Variants in KIF24 observed in about 807,000 individuals in gnomAD.
KIF24 encodes kinesin-like protein KIF24.
Under a neutral mutation model 118.9 loss-of-function variants are expected in KIF24, and 81 were observed. The ratio of observed to expected loss-of-function variants is 0.68; its 90% CI spans 0.57 to 0.82. KIF24 has a LOEUF of 0.82. Among genes scored for constraint, KIF24 ranks in the 40% least tolerant of loss-of-function variants. The pLI is 0.00. For missense variants in KIF24, 1,560 were observed against 1,661.6 expected, an observed-to-expected ratio of 0.94 and a Z score of 1.06; for synonymous variants, 599 against 610.0, an observed-to-expected ratio of 0.98 and a Z score of 0.27.
intron 1 of KIF24, among the ~76,000 whole-genome samples, chr9:34,321,281 T>C (rs1333252346): frequency 6.6e-6 from 1 of 152,064 alleles, no homozygotes; most frequent in Non-Finnish European, 1.5e-5. Flanking sequence ...CAGTAGTAAC[T>C]AGTATAGCAG....
intron 1 of KIF24, among the ~76,000 whole-genome samples, chr9:34,311,988 T>C (rs1420095715): frequency 6.6e-6 from 1 of 152,122 alleles, no homozygotes; most frequent in African/African-American, 2.4e-5. Flanking sequence ...GCTGCACAAC[T>C]GTTTCCCATG....
Position 34,256,826 on chromosome 9 carries a change from T to C in KIF24, c.2781A>G (p.Ser927=), listed in dbSNP as rs372761916. ...VDWSRENSTS[S]GPSPRDSLAE... ...CCAGGCTGTCTCTGGGAGAAGGCCC[T>C]GAGGAAGTAGAGTTCTCTCTGCTCC... The change falls in exon 11 of 13, where the codon TCA becomes TCG. Residue 927 remains serine, a synonymous_variant. Coordinates refer to ENST00000402558, the MANE Select transcript of KIF24 (RefSeq NM_194313.4). 1.9e-6 allele frequency: 3 copies of C among 1,613,888 alleles called. No homozygotes were observed. Among genetic ancestry groups the C allele is most frequent in the Non-Finnish European group, 2.5e-6 (3 of 1,179,896 alleles).
chr9:34,310,901 G>A lies in KIF24; in HGVS notation c.446C>T (p.Thr149Ile). The change falls in exon 2 of 13, where the codon ACA becomes ATA. Residue 149 changes from threonine to isoleucine, a missense_variant. Thr to Ile is a moderately conservative substitution (Grantham distance 89). Transcript: ENST00000402558. Reference protein sequence around the residue: ...HMLPDDSQYHTKTGILNATAG... With the variant: ...HMLPDDSQYHIKTGILNATAG... ...TGTGGCATTCAGAATTCCTGTTTTT[G>A]TATGGTACTGGGAATCATCTGGTAG... is the stretch of plus-strand genomic sequence containing the variant. The A allele has an allele frequency of 6.2e-7, 1 of 1,613,840 alleles. No individual in the cohort carries two copies.
rs527958152 is a variant in KIF24, at chr9:34,297,419, T to G, written c.814-305A>C. Among the ~76,000 whole-genome samples the G allele has an allele frequency of 2.6e-5, 4 of 152,364 alleles. No homozygotes were observed. The South Asian group carries it at 8.3e-4, about 32-fold the overall frequency. Reference sequence around the variant, plus strand: ...TAGGTCTAGGAGAGAAAGTGAATTCTATGGGGATTATCCTCGTATTCCAAC... The same window carrying G: ...TAGGTCTAGGAGAGAAAGTGAATTCGATGGGGATTATCCTCGTATTCCAAC... On this transcript the variant is annotated intron_variant, in intron 3 of 12. Transcript: ENST00000402558.
At chr9:34,319,062 A>G in intron 1 of KIF24, 1 of 1,305,438 alleles carries the variant, frequency 7.7e-7, no homozygotes, top group South Asian at 1.2e-5. Context: ...AAGATGGTGG[A>G]AAACCGTGGC....
Position 34,311,199 on chromosome 9 carries a change from C to A in KIF24, c.148G>T (p.Asp50Tyr). 1 of 1,613,222 alleles carries A rather than the reference C, an allele frequency of 6.2e-7. No individual in the cohort carries two copies. Among genetic ancestry groups the A allele is most frequent in the South Asian group, 1.1e-5 (1 of 90,918 alleles). Residue 50 changes from aspartate (D) to tyrosine (Y), a missense_variant, in exon 2 of 13, where the codon GAC (aspartate) becomes TAC (tyrosine). By Grantham distance (160) the Asp-to-Tyr change is radical. Coordinates refer to ENST00000402558, the MANE Select transcript of KIF24 (RefSeq NM_194313.4). The stretch of plus-strand genomic sequence containing the variant: ...ATAAGTTGGAAGAGACGTTTGCGGT[C>A]GTTCATGTCATGGACTCCTAATTTG... ...YSKLGVHDMN[D>Y]RKRLFQLIKI...
chr9:34,292,497 C>G (rs1218462200), intron 4 of KIF24, among the ~76,000 whole-genome samples: 1 of 152,114 alleles, frequency 6.6e-6, no homozygotes, highest in Non-Finnish European at 1.5e-5. Flanking sequence ...GCAAATAAAT[C>G]TACAATGATT....
Position 34,257,392 on chromosome 9 carries a change from TCTGG to T in KIF24, c.2211_2214del (p.Ser737ArgfsTer44). 1 of 1,614,036 alleles carries T rather than the reference TCTGG, an allele frequency of 6.2e-7. No homozygotes were observed. The highest frequency in any genetic ancestry group is 1.7e-5 in the Admixed American group (1 of 60,030). Reference sequence around the variant, plus strand: ...GAGGCAGGCCTAGCAGGCGTGCCCCTCTGGCTGTCTTGACTGTACTCAGCCCTGT... The same window carrying T: ...GAGGCAGGCCTAGCAGGCGTGCCCCTCTGTCTTGACTGTACTCAGCCCTGT... On this transcript the variant is annotated frameshift_variant, in exon 11 of 13. Transcript: ENST00000402558. LOFTEE classifies it high-confidence loss of function.
intron 3 of KIF24, among the ~76,000 whole-genome samples, chr9:34,302,775 ATTTT>A (rs745922271): frequency 8.0e-6 from 1 of 125,106 alleles, no homozygotes; most frequent in African/African-American, 3.1e-5. Context: ...CCACCAGCTA[ATTTT>A]TTTTTTTTTT....
intron 3 of KIF24, 122 bp downstream of exon 3, chr9:34,306,130 G>A (rs914673899): frequency 7.0e-5 from 48 of 682,164 alleles, no homozygotes; most frequent in African/African-American, 5.3e-5. Flanking sequence ...GTCAACACCC[G>A]AACCAGAAAC....
At chr9:34,305,381 G>C (rs966078315) in intron 3 of KIF24, among the ~76,000 whole-genome samples, 1 of 152,108 alleles carries the variant, frequency 6.6e-6, no homozygotes, top group Non-Finnish European at 1.5e-5. Flanking sequence ...TTAAGTATAA[G>C]CCCAAGACAG....
chr9:34,302,001 T>TC (rs1836730521), intron 3 of KIF24, among the ~76,000 whole-genome samples: 1 of 143,400 alleles, frequency 7.0e-6, no homozygotes, highest in Non-Finnish European at 1.6e-5. Flanking sequence ...TTTTTTCTTT[T>TC]TTTTTTTTTT....
At chr9:34,278,345 G>A (rs1835729925) in intron 6 of KIF24, among the ~76,000 whole-genome samples, 1 of 152,142 alleles carries the variant, frequency 6.6e-6, no homozygotes, top group African/African-American at 2.4e-5. Context: ...GGGAGGCAGA[G>A]GTTGCGGTGA....
At chr9:34,302,678 C>G (rs1385398682) in intron 3 of KIF24, among the ~76,000 whole-genome samples, 1 of 151,594 alleles carries the variant, frequency 6.6e-6, no homozygotes, top group African/African-American at 2.4e-5. Flanking sequence ...ATTGGCTAGG[C>G]TGGTCTTAAA....
chr9:34,324,310 T>A (rs562019229), intron 1 of KIF24, among the ~76,000 whole-genome samples: 1 of 152,202 alleles, frequency 6.6e-6, no homozygotes, highest in South Asian at 2.1e-4. Flanking sequence ...CCCCTCCACT[T>A]CTCTCTTCTT....
Position 34,253,672 on chromosome 9 carries a change from G to A in KIF24, c.*708C>T, listed in dbSNP as rs1834698467. On this transcript the variant is annotated 3_prime_UTR_variant, in exon 13 of 13. Transcript: ENST00000402558. ...GGCCTTTCACCCGAGCAAAAGTCAG[G>A]AGAAAAATTGATGTGTGACACAGGC... 1 of 152,212 alleles carries A rather than the reference G, an allele frequency of 6.6e-6. No individual in the cohort carries two copies. Among genetic ancestry groups the A allele is most frequent in the Non-Finnish European group, 1.5e-5 (1 of 68,084 alleles). The allele number at this position is 152,212 out of a possible 1,614,324, so 9.4% of individuals were successfully genotyped here. A position where few individuals can be genotyped will look rare whatever the true frequency, so the allele number is the denominator to read the frequency against.
At chr9:34,324,463 TCTC>T (rs1243276556) in intron 1 of KIF24, among the ~76,000 whole-genome samples, 1 of 152,082 alleles carries the variant, frequency 6.6e-6, no homozygotes, top group Admixed American at 6.6e-5. Context: ...AAATTTCTCC[TCTC>T]CTATCCTTAT....
chr9:34,323,513 T>A (rs1837583989), intron 1 of KIF24, among the ~76,000 whole-genome samples: 1 of 152,254 alleles, frequency 6.6e-6, no homozygotes, highest in Non-Finnish European at 1.5e-5. Flanking sequence ...AATGTTGGGT[T>A]TAAATTCAGT....
intron 1 of KIF24, among the ~76,000 whole-genome samples, chr9:34,316,231 C>T (rs1157035453): frequency 6.6e-6 from 1 of 151,904 alleles, no homozygotes; most frequent in Non-Finnish European, 1.5e-5. Context: ...GCCTGTAATC[C>T]CAGCTACTCA....
Sources: gnomAD v4.1 joint callset for allele counts (sites outside exome capture counted in the v4.1 genomes callset) on GRCh38, gnomAD v4.1.1 for gene constraint, MANE v1.5 for transcripts, NCBI Gene and HGNC (gene_info 2026-07-23, HGNC 2026-07-21) for gene names.